The following PIWIL2 variants were observed in gnomAD, a reference collection of about 807,000 sequenced individuals.
The protein encoded by PIWIL2 is piwi like RNA-mediated gene silencing 2, also known as piwi-like protein 2.
PIWIL2 carries 81 observed loss-of-function variants against 116.5 expected under a neutral mutation model. The observed-to-expected ratio is 0.70, with a 90% CI of 0.58 to 0.84. PIWIL2 has a LOEUF of 0.84. Among genes scored for constraint, PIWIL2 ranks in the 40% least tolerant of loss-of-function variants. The probability of loss-of-function intolerance (pLI) is 0.00; values close to 1 mark genes in which losing one functional copy is unlikely to be tolerated. For missense variants in PIWIL2, 1,272 were observed against 1,212.3 expected, an observed-to-expected ratio of 1.05 and a Z score of -0.73; for synonymous variants, 489 against 429.5, an observed-to-expected ratio of 1.14 and a Z score of -1.71.
intron 7 of PIWIL2, among the ~76,000 whole-genome samples, 193 bp downstream of exon 7, chr8:22,287,838 C>A (rs1030607527): frequency 6.6e-5 from 10 of 152,128 alleles, no homozygotes. Context: ...GGTAGGAAAC[C>A]ATAGAATTCC....
chr8:22,314,593 G>A lies in PIWIL2; in HGVS notation c.2091+164G>A, dbSNP rs1831409318. ...CCTGATTAGAGCAACCTGGCAAAGAGTAGATTGCTCTTCATAAGCTGCCCT... is the reference window on the plus strand; with the variant it reads ...CCTGATTAGAGCAACCTGGCAAAGAATAGATTGCTCTTCATAAGCTGCCCT... On this transcript the variant is annotated intron_variant, in intron 17 of 22. Transcript: ENST00000356766. 2.0e-5 allele frequency among the ~76,000 whole-genome samples: 3 copies of A among 152,314 alleles called. 1 individual carries two copies. In the South Asian group the frequency reaches 6.2e-4, roughly 32 times the overall value.
rs777766401 is a variant in PIWIL2 at position 22,318,177 on chromosome 8, A to G, written c.2305A>G (p.Thr769Ala). Residue 769 changes from threonine to alanine, a missense_variant, in exon 20 of 23, where the codon ACA becomes GCA. Transcript: ENST00000356766. The stretch of plus-strand genomic sequence containing the variant: ...TGCTCACCCTGACCCTAGCACCCTC[A>G]CAAAATGGTATTCCCGGGTGGTGTT... Reference protein sequence around the residue: ...GFVASINLTLTKWYSRVVFQM... With the variant: ...GFVASINLTLAKWYSRVVFQM... 3 of 1,609,806 alleles carry G rather than the reference A, an allele frequency of 1.9e-6. No individual in the cohort carries two copies. Among genetic ancestry groups the G allele is most frequent in the Non-Finnish European group, 2.6e-6 (3 of 1,176,266 alleles).
chr8:22,343,981 CAG>C (rs1210898735), intron 20 of PIWIL2, among the ~76,000 whole-genome samples: 5 of 152,190 alleles, frequency 3.3e-5, no homozygotes, highest in African/African-American at 4.8e-5. Context: ...AACTTGGAAA[CAG>C]AGATGTCCTT....
At chr8:22,343,656 T>C (rs1235608273) in intron 20 of PIWIL2, among the ~76,000 whole-genome samples, 2 of 152,250 alleles carry the variant, frequency 1.3e-5, no homozygotes, top group Non-Finnish European at 2.9e-5. Context: ...CAATATCACT[T>C]GCCCTTAGGG....
intron 20 of PIWIL2, among the ~76,000 whole-genome samples, chr8:22,337,767 G>C (rs1427644840): frequency 6.6e-6 from 1 of 151,154 alleles, no homozygotes; most frequent in Non-Finnish European, 1.5e-5. Context: ...AATAATACTA[G>C]ACATACTGGA....
intron 10 of PIWIL2, among the ~76,000 whole-genome samples, chr8:22,299,693 T>G (rs375270107): frequency 1.3e-5 from 2 of 152,314 alleles, no homozygotes; most frequent in East Asian, 3.9e-4. Flanking sequence ...TGAGTTTTGA[T>G]ATATGGATAT....
intron 20 of PIWIL2, among the ~76,000 whole-genome samples, chr8:22,346,462 T>G (rs1832229143): frequency 6.6e-6 from 1 of 152,140 alleles, no homozygotes; most frequent in Non-Finnish European, 1.5e-5. Flanking sequence ...ACTACATGTT[T>G]TCATATTTTG....
intron 5 of PIWIL2, among the ~76,000 whole-genome samples, chr8:22,283,782 G>T (rs541961723): frequency 2.0e-5 from 3 of 152,188 alleles, no homozygotes; most frequent in Non-Finnish European, 4.4e-5. Flanking sequence ...GTGGACTCAC[G>T]GCCTTTCGTT....
At chr8:22,300,070 G>T (rs756553787) in intron 10 of PIWIL2, among the ~76,000 whole-genome samples, 4 of 151,960 alleles carry the variant, frequency 2.6e-5, no homozygotes, top group Non-Finnish European at 5.9e-5. Context: ...GGGATTACAG[G>T]TGCCTGCCAC....
intron 20 of PIWIL2, among the ~76,000 whole-genome samples, chr8:22,330,866 T>G (rs893906105): frequency 2.0e-5 from 3 of 152,010 alleles, no homozygotes; most frequent in Admixed American, 2.0e-4. Flanking sequence ...AGCATCATAA[T>G]TCTTTGTTGA....
chr8:22,328,818 GTT>G (rs57027657), intron 20 of PIWIL2, among the ~76,000 whole-genome samples: 1,338 of 107,152 alleles, frequency 0.012, 28 homozygotes, highest in African/African-American at 0.043. Flanking sequence ...AGCTCTAGTC[GTT>G]TTTTTTTTTT....
intron 20 of PIWIL2, among the ~76,000 whole-genome samples, chr8:22,332,042 A>G (rs1022459393): frequency 1.3e-5 from 2 of 152,030 alleles, no homozygotes; most frequent in Non-Finnish European, 1.5e-5. Flanking sequence ...AAATAATCAA[A>G]CTAGCCTGTA....
chr8:22,318,046 T>G, intron 19 of PIWIL2, 124 bp from the exon 20 acceptor site: 1 of 603,676 alleles, frequency 1.7e-6, no homozygotes, highest in Non-Finnish European at 3.0e-6. Context: ...AAATGCATTT[T>G]CTAGGTACTT....
chr8:22,301,614 T>C (rs1402603742), intron 10 of PIWIL2, among the ~76,000 whole-genome samples: 3 of 152,096 alleles, frequency 2.0e-5, no homozygotes, highest in Admixed American at 6.6e-5. Context: ...TTTTAAGGAG[T>C]AGACATTTTT....
At chr8:22,309,591 G>A (rs975712713) in intron 14 of PIWIL2, among the ~76,000 whole-genome samples, 3 of 152,086 alleles carry the variant, frequency 2.0e-5, no homozygotes, top group Non-Finnish European at 2.9e-5. Flanking sequence ...TGCCCTCCTC[G>A]GCCTCCCAAA....
rs1275992137 is a variant in PIWIL2 at position 22,355,447 on chromosome 8, G to A, written c.2864G>A (p.Gly955Glu). 1 of 1,614,132 alleles carries A rather than the reference G, an allele frequency of 6.2e-7. No individual in the cohort carries two copies. The change falls in exon 23 of 23, where the codon GGA becomes GAA. Residue 955 changes from glycine to glutamate, a missense_variant. Coordinates refer to ENST00000356766, the MANE Select transcript of PIWIL2 (RefSeq NM_018068.5). ...KYAHKLAFLS[G>E]HILHHEPAIQ... ...GCCCACAAGCTAGCTTTCCTGTCAG[G>A]ACACATCTTGCATCATGAACCAGCC...
At chr8:22,339,705 G>T (rs1341880055) in intron 20 of PIWIL2, among the ~76,000 whole-genome samples, 2 of 152,156 alleles carry the variant, frequency 1.3e-5, no homozygotes. Context: ...GCATAGAATG[G>T]GAGAAGTCAT....
intron 20 of PIWIL2, among the ~76,000 whole-genome samples, chr8:22,334,358 C>G (rs950167496): frequency 1.3e-5 from 2 of 151,504 alleles, no homozygotes; most frequent in Non-Finnish European, 2.9e-5. Flanking sequence ...CCCATCTCTA[C>G]TAAAAATACA....
intron 3 of PIWIL2, 52 bp from the exon 4 acceptor site, chr8:22,281,325 T>G: frequency 6.3e-7 from 1 of 1,578,198 alleles, no homozygotes; most frequent in Non-Finnish European, 8.6e-7. Context: ...AAACTATACT[T>G]TAAAACACGT....
Sources: gnomAD v4.1 joint callset for allele counts (sites outside exome capture counted in the v4.1 genomes callset) on GRCh38, gnomAD v4.1.1 for gene constraint, MANE v1.5 for transcripts, NCBI Gene and HGNC (gene_info 2026-07-23, HGNC 2026-07-21) for gene names.